UTRN: variants seen among roughly 807,000 people sequenced by gnomAD.
The protein encoded by UTRN is dystrophin-related protein 1.
UTRN carries 283 observed loss-of-function variants against 463.9 expected under a neutral mutation model. The ratio of observed to expected loss-of-function variants is 0.61; its 90% confidence interval spans 0.55 to 0.67. UTRN has a LOEUF of 0.67. Ranked by LOEUF, UTRN falls within the 30% of genes least tolerant of loss-of-function variation. UTRN has a pLI of 0.00. For missense variants in UTRN, 3,922 were observed against 4,084.3 expected (o/e 0.96, Z 1.08); for synonymous variants, 1,442 against 1,431.5 (o/e 1.01, Z -0.17).
intron 59 of UTRN, among the ~76,000 whole-genome samples, chr6:144,773,136 A>G (rs1260168487): frequency 6.6e-6 from 1 of 152,312 alleles, no homozygotes; most frequent in East Asian, 1.9e-4. Context: ...TTAGGGGACA[A>G]AGAAAGAAAT....
At position 144,782,108 on chromosome 6, in the gene UTRN, T is replaced by C. The variant is rs770890260; in HGVS notation, c.8819T>C (p.Leu2940Pro). The change falls in exon 61 of 75, where the codon CTC becomes CCC. Residue 2940 changes from leucine (L) to proline (P), a missense_variant. Transcript: ENST00000367545. Reference protein sequence around the residue: ...LCVDMCLNWLLNVYDTGRTGK... With the variant: ...LCVDMCLNWLPNVYDTGRTGK... ...GTTGATATGTGTCTCAATTGGTTGC[T>C]CAATGTCTATGACACGTAAGTTTAT... The C allele has an allele frequency of 1.9e-6, 3 of 1,608,898 alleles. No homozygotes were observed. Among genetic ancestry groups the C allele is most frequent in the Non-Finnish European group, 2.6e-6 (3 of 1,176,348 alleles).
intron 25 of UTRN, among the ~76,000 whole-genome samples, chr6:144,478,007 G>A (rs1791431921): frequency 6.6e-6 from 1 of 152,118 alleles, no homozygotes; most frequent in Admixed American, 6.5e-5. Flanking sequence ...GTGTCCTCAG[G>A]AAGGAGGTAA....
In UTRN at chr6:144,451,689, T is replaced by G. The variant is rs116198470; in HGVS notation, c.2196+196T>G. ...CATCAGATCCCTATTTGGAGGACGT[T>G]TTTTTTTTTTCATCTTTGTCAGTCA... On this transcript the variant is annotated intron_variant, in intron 18 of 74. Coordinates refer to ENST00000367545, the MANE Select transcript of UTRN (RefSeq NM_007124.3). 0.24 allele frequency among the ~76,000 whole-genome samples: 36,016 copies of G among 149,644 alleles called. 6,145 individuals are homozygous for G. Among genetic ancestry groups the G allele is most frequent in the African/African-American group, 0.49 (19,943 of 40,902 alleles).
intron 58 of UTRN, among the ~76,000 whole-genome samples, chr6:144,766,902 A>G (rs1285613640): frequency 6.6e-6 from 1 of 152,080 alleles, no homozygotes; most frequent in Admixed American, 6.6e-5. Flanking sequence ...TTAAGAAATC[A>G]TTGGGAAGAA....
At chr6:144,813,370 G>A (rs1312928408) in intron 65 of UTRN, among the ~76,000 whole-genome samples, 19 of 151,728 alleles carry the variant, frequency 1.3e-4, no homozygotes. Flanking sequence ...TGCATTTTTA[G>A]TAGAGACGGG....
At chr6:144,789,545 A>G (rs1001130258) in intron 62 of UTRN, among the ~76,000 whole-genome samples, 2 of 152,198 alleles carry the variant, frequency 1.3e-5, no homozygotes, top group Non-Finnish European at 2.9e-5. Flanking sequence ...TTTAATTCTT[A>G]GAATAATCCC....
chr6:144,330,568 A>G (rs1328536243), intron 2 of UTRN, among the ~76,000 whole-genome samples: 1 of 152,204 alleles, frequency 6.6e-6, no homozygotes, highest in African/African-American at 2.4e-5. Context: ...ATCTAAGGAA[A>G]ACCTGAGAAG....
At chr6:144,747,818 T>G (rs963285096) in intron 54 of UTRN, among the ~76,000 whole-genome samples, 2 of 152,150 alleles carry the variant, frequency 1.3e-5, no homozygotes, top group African/African-American at 4.8e-5. Context: ...TTTCTGAGAG[T>G]TTTTGCTTAT....
At chr6:144,728,100 CAAA>C (rs5880604) in intron 53 of UTRN, among the ~76,000 whole-genome samples, 163 of 104,018 alleles carry the variant, frequency 1.6e-3, no homozygotes, top group East Asian at 2.1e-3. Context: ...GACTCCATCT[CAAA>C]AAAAAAAAAA....
intron 53 of UTRN, 82 bp from the exon 54 acceptor site, chr6:144,730,275 C>T (rs1788376089): frequency 7.4e-7 from 1 of 1,349,252 alleles, no homozygotes; most frequent in Non-Finnish European, 9.6e-7. Context: ...TAAGTGTGGT[C>T]AGAAGTGGTA....
rs577507418 is a variant in UTRN, at chr6:144,369,570, C to T, written c.80-33553C>T. Among the ~76,000 whole-genome samples the T allele has an allele frequency of 7.2e-5, 11 of 152,258 alleles. No individual in the cohort carries two copies. In the South Asian group the frequency reaches 1.2e-3, roughly 17 times the overall value. On this transcript the variant is annotated intron_variant, in intron 2 of 74. Coordinates refer to ENST00000367545, the MANE Select transcript of UTRN (RefSeq NM_007124.3). ...GGTTGAGGTTGCAGTGAGCTGAGATCGTGCCACTGCACTCCAGCCTGGCAA... is the reference window on the plus strand; with the variant it reads ...GGTTGAGGTTGCAGTGAGCTGAGATTGTGCCACTGCACTCCAGCCTGGCAA...
intron 65 of UTRN, among the ~76,000 whole-genome samples, chr6:144,814,079 A>G (rs1395387323): frequency 1.3e-5 from 2 of 152,222 alleles, no homozygotes; most frequent in Admixed American, 1.3e-4. Flanking sequence ...ACTGCTATGA[A>G]TGGAATGTTT....
chr6:144,345,410 C>T (rs1050624517), intron 2 of UTRN, among the ~76,000 whole-genome samples: 1 of 152,182 alleles, frequency 6.6e-6, no homozygotes, highest in Non-Finnish European at 1.5e-5. Context: ...CACAATGGCT[C>T]ATACCTGTAA....
intron 51 of UTRN, among the ~76,000 whole-genome samples, chr6:144,632,338 C>T (rs1017907785): frequency 3.3e-5 from 5 of 151,980 alleles, no homozygotes; most frequent in East Asian, 1.9e-4. Flanking sequence ...AGCTGAGAAA[C>T]GTTTGTGAAT....
chr6:144,450,967 G>T (rs962510891), intron 17 of UTRN, among the ~76,000 whole-genome samples: 1 of 152,196 alleles, frequency 6.6e-6, no homozygotes, highest in East Asian at 1.9e-4. Flanking sequence ...ACAAAAATTA[G>T]CTGGGTGTGG....
intron 2 of UTRN, among the ~76,000 whole-genome samples, chr6:144,398,923 C>T (rs558073280): frequency 6.6e-5 from 10 of 151,926 alleles, no homozygotes; most frequent in East Asian, 3.9e-4. Flanking sequence ...GTTTTAAATG[C>T]GGTTTTTAGC....
At chr6:144,335,978 G>T (rs1430884604) in intron 2 of UTRN, among the ~76,000 whole-genome samples, 1 of 152,074 alleles carries the variant, frequency 6.6e-6, no homozygotes, top group African/African-American at 2.4e-5. Flanking sequence ...CATGAGAGTG[G>T]GTGGGTGTGC....
chr6:144,714,460 C>A (rs1786155660), intron 53 of UTRN, among the ~76,000 whole-genome samples: 2 of 152,196 alleles, frequency 1.3e-5, no homozygotes, highest in African/African-American at 4.8e-5. Context: ...AATTCAGCTA[C>A]CCTGCATTTA....
At chr6:144,659,291 G>C (rs887199018) in intron 51 of UTRN, among the ~76,000 whole-genome samples, 2 of 152,114 alleles carry the variant, frequency 1.3e-5, no homozygotes, top group African/African-American at 2.4e-5. Context: ...AACTGGGTGA[G>C]GGGTGGTGGA....
Sources: gnomAD v4.1 joint callset for allele counts (sites outside exome capture counted in the v4.1 genomes callset) on GRCh38, gnomAD v4.1.1 for gene constraint, MANE v1.5 for transcripts, NCBI Gene and HGNC (gene_info 2026-07-23, HGNC 2026-07-21) for gene names.